The following CNTN4 variants were observed in gnomAD, a reference collection of about 807,000 sequenced individuals.
CNTN4 encodes the protein contactin 4.
In CNTN4, 77 loss-of-function variants were observed where a neutral mutation model predicts 122.5. That is an observed-to-expected ratio of 0.63 (90% CI 0.52 to 0.76). CNTN4 has a LOEUF of 0.76. CNTN4 is among the 30% of genes least tolerant of loss of function. The probability of loss-of-function intolerance (pLI) is 0.00; values close to 1 mark genes in which losing one functional copy is unlikely to be tolerated. For missense variants in CNTN4, 1,256 were observed against 1,259.1 expected (o/e 1.00, Z 0.04); for synonymous variants, 512 against 447.0 (o/e 1.15, Z -1.83).
chr3:2,884,886 A>C (rs1029765306), intron 9 of CNTN4, among the ~76,000 whole-genome samples: 3 of 152,240 alleles, frequency 2.0e-5, no homozygotes. Flanking sequence ...GGGTATGCAC[A>C]TCCAGCTGCT....
intron 10 of CNTN4, among the ~76,000 whole-genome samples, chr3:2,897,815 C>T (rs1448128716): frequency 5.3e-5 from 8 of 152,066 alleles, no homozygotes; most frequent in Admixed American, 2.6e-4. Flanking sequence ...AATTTTAGAG[C>T]ATTTCAGATT....
chr3:2,440,266 C>A (rs1045961596), intron 3 of CNTN4, among the ~76,000 whole-genome samples: 3 of 152,200 alleles, frequency 2.0e-5, no homozygotes, highest in Non-Finnish European at 2.9e-5. Flanking sequence ...GACAAAAAAA[C>A]CAGATCACTT....
intron 2 of CNTN4, among the ~76,000 whole-genome samples, chr3:2,334,933 T>C (rs973511741): frequency 1.3e-5 from 2 of 152,212 alleles, no homozygotes; most frequent in Non-Finnish European, 2.9e-5. Context: ...TTTGAGGTAT[T>C]TGGAAAGGGT....
chr3:2,297,679 T>C (rs1575304295), intron 2 of CNTN4, among the ~76,000 whole-genome samples: 1 of 152,300 alleles, frequency 6.6e-6, no homozygotes, highest in Non-Finnish European at 1.5e-5. Flanking sequence ...TTGATTGTTA[T>C]GTGTTTTGGT....
intron 2 of CNTN4, among the ~76,000 whole-genome samples, chr3:2,109,497 A>G (rs2032774635): frequency 2.0e-5 from 3 of 152,168 alleles, no homozygotes. Context: ...GCACACTTGT[A>G]TTAATATAAA....
intron 2 of CNTN4, among the ~76,000 whole-genome samples, chr3:2,237,091 C>G (rs557219817): frequency 1.3e-5 from 2 of 152,128 alleles, no homozygotes; most frequent in East Asian, 1.9e-4. Flanking sequence ...GGCCTTTTCT[C>G]TATGAGTAAT....
rs901371089 is a variant in CNTN4 at position 2,713,450 on chromosome 3, G to A, written c.56-22765G>A. Reference sequence around the variant, plus strand: ...GATATGATTGAACAAAAAGGGGCATGATCTAAAGGAAATAAACGGGGGAAC... The same window carrying A: ...GATATGATTGAACAAAAAGGGGCATAATCTAAAGGAAATAAACGGGGGAAC... On this transcript the variant is annotated intron_variant, in intron 4 of 24. Coordinates refer to ENST00000418658, the MANE Select transcript of CNTN4 (RefSeq NM_175607.3). 4.6e-5 allele frequency among the ~76,000 whole-genome samples: 7 copies of A among 152,196 alleles called. No homozygotes were observed. In the East Asian group the frequency reaches 7.7e-4, roughly 17 times the overall value.
chr3:2,892,020 A>G (rs1409111361), intron 10 of CNTN4, among the ~76,000 whole-genome samples: 1 of 152,200 alleles, frequency 6.6e-6, no homozygotes, highest in Non-Finnish European at 1.5e-5. Context: ...AGCCAATAGG[A>G]TATGCTCATT....
chr3:2,896,002 T>C (rs1446673106), intron 10 of CNTN4, among the ~76,000 whole-genome samples: 8 of 152,200 alleles, frequency 5.3e-5, no homozygotes, highest in Admixed American at 3.3e-4. Context: ...CACCGCACTC[T>C]GGTCTGGGCG....
intron 14 of CNTN4, among the ~76,000 whole-genome samples, chr3:3,004,244 C>A (rs1696371341): frequency 6.6e-6 from 1 of 152,050 alleles, no homozygotes; most frequent in Admixed American, 6.5e-5. Flanking sequence ...TGTCCTAGAG[C>A]TTGACATATT....
intron 4 of CNTN4, among the ~76,000 whole-genome samples, chr3:2,577,935 C>A (rs1275765203): frequency 6.6e-6 from 1 of 152,162 alleles, no homozygotes; most frequent in South Asian, 2.1e-4. Context: ...TGAGAAAGTG[C>A]ATCCTCTCCA....
intron 2 of CNTN4, among the ~76,000 whole-genome samples, chr3:2,250,765 T>A (rs1047226680): frequency 1.3e-5 from 2 of 151,892 alleles, no homozygotes; most frequent in African/African-American, 4.8e-5. Context: ...TCAAAGAATG[T>A]GTAATCTTAA....
chr3:2,785,658 A>G lies in CNTN4; in HGVS notation c.359-33828A>G, dbSNP rs557920819. On this transcript the variant is annotated intron_variant, in intron 6 of 24. Transcript: ENST00000418658. Reference sequence around the variant, plus strand: ...ATGGGAACTGGAAGGAAACTCGACAATGAGTGGTCAGGAAAACCCCTCAGA... The same window carrying G: ...ATGGGAACTGGAAGGAAACTCGACAGTGAGTGGTCAGGAAAACCCCTCAGA... Among the ~76,000 whole-genome samples, 40 of 152,334 alleles carry G rather than the reference A, an allele frequency of 2.6e-4. No homozygotes were observed. The East Asian group carries it at 7.7e-3, about 29-fold the overall frequency.
intron 14 of CNTN4, among the ~76,000 whole-genome samples, chr3:2,997,745 C>T (rs17024476): frequency 0.024 from 3,624 of 152,208 alleles, 136 homozygotes; most frequent in African/African-American, 0.081. Context: ...TTTTATGTAT[C>T]CATTTGAGGA....
intron 4 of CNTN4, among the ~76,000 whole-genome samples, chr3:2,623,721 A>G: frequency 6.6e-6 from 1 of 152,160 alleles, no homozygotes; most frequent in East Asian, 1.9e-4. Context: ...AGGGCTTGGG[A>G]ATACAGAGTG....
rs1421744085 is a variant in CNTN4 at position 3,043,122 on chromosome 3, G to A, written c.2657G>A (p.Gly886Asp). Residue 886 changes from glycine to aspartate, a missense_variant, in exon 22 of 25, where the codon GGC becomes GAC. Coordinates refer to ENST00000418658, the MANE Select transcript of CNTN4 (RefSeq NM_175607.3). ...AAGGCATATAATTCTGCTGGGACAG[G>A]CCCCTCTAGTGCAACAGTCAATGTG... is the stretch of plus-strand genomic sequence containing the variant. ...AVKAYNSAGT[G>D]PSSATVNVTT... 6.2e-7 allele frequency: 1 copy of A among 1,614,124 alleles called. No individual in the cohort carries two copies. Among genetic ancestry groups the A allele is most frequent in the Non-Finnish European group, 8.5e-7 (1 of 1,180,024 alleles).
chr3:2,536,529 G>A (rs1431644771), intron 3 of CNTN4, among the ~76,000 whole-genome samples: 2 of 151,898 alleles, frequency 1.3e-5, no homozygotes, highest in African/African-American at 2.4e-5. Context: ...CTATCGAGGT[G>A]AGGTCATATC....
Position 2,526,875 on chromosome 3 carries a change from A to G in CNTN4, c.-88-44541A>G, listed in dbSNP as rs995409320. Among the ~76,000 whole-genome samples the G allele has an allele frequency of 2.0e-5, 3 of 152,304 alleles. No homozygotes were observed. In the East Asian group the frequency reaches 5.8e-4, roughly 29 times the overall value. The stretch of plus-strand genomic sequence containing the variant: ...TTACTGGAGCTGCTAACAGAGCAGC[A>G]TATGTGCAATGAGAACCATCCTTGA... On this transcript the variant is annotated intron_variant, in intron 3 of 24. Coordinates refer to ENST00000418658, the MANE Select transcript of CNTN4 (RefSeq NM_175607.3).
chr3:2,840,596 G>A (rs1203201343), intron 7 of CNTN4, among the ~76,000 whole-genome samples: 5 of 97,004 alleles, frequency 5.2e-5, no homozygotes, highest in Non-Finnish European at 9.5e-5. Context: ...CTACTCGGGA[G>A]GCTGAGGCGG....
Sources: allele counts gnomAD v4.1 joint callset (sites outside exome capture counted in the v4.1 genomes callset), GRCh38; gene constraint gnomAD v4.1.1; transcripts MANE v1.5; gene names NCBI Gene and HGNC (gene_info 2026-07-23, HGNC 2026-07-21).